The following TRIO variants were observed in gnomAD, a reference collection of about 807,000 sequenced individuals.
The protein encoded by TRIO is triple functional domain protein.
Under a neutral mutation model 351.9 loss-of-function variants are expected in TRIO, and 58 were observed. The ratio of observed to expected loss-of-function variants is 0.16; its 90% CI spans 0.13 to 0.21. TRIO has a LOEUF of 0.21. TRIO is among the 10% of genes least tolerant of loss of function. The pLI, the probability that TRIO is intolerant of heterozygous loss-of-function variation, is 1.00. For missense variants in TRIO, 3,201 were observed against 4,027.8 expected (o/e 0.79, Z 5.56); for synonymous variants, 1,758 against 1,595.7 (o/e 1.10, Z -2.42).
At chr5:14,207,296 GGT>G (rs1377037417) in intron 1 of TRIO, among the ~76,000 whole-genome samples, 2 of 12,256 alleles carry the variant, frequency 1.6e-4, no homozygotes, top group Non-Finnish European at 3.8e-4. Context: ...CACACAGCCA[GGT>G]AGCATAGCAA....
chr5:14,198,850 T>C (rs1790926799), intron 1 of TRIO, among the ~76,000 whole-genome samples: 1 of 152,172 alleles, frequency 6.6e-6, no homozygotes, highest in South Asian at 2.1e-4. Flanking sequence ...TAAAAATTAT[T>C]CTGTCAATCT....
intron 33 of TRIO, among the ~76,000 whole-genome samples, chr5:14,415,866 C>T (rs572889341): frequency 6.6e-6 from 1 of 151,914 alleles, no homozygotes. Context: ...GCTTGTTAGT[C>T]ACCACATTCA....
intron 1 of TRIO, among the ~76,000 whole-genome samples, chr5:14,170,389 A>T (rs897107003): frequency 1.3e-5 from 2 of 151,416 alleles, no homozygotes; most frequent in African/African-American, 4.9e-5. Context: ...AGTTGCTTGA[A>T]CCCTCCACCC....
chr5:14,165,218 G>A (rs185759636), intron 1 of TRIO, among the ~76,000 whole-genome samples: 2 of 152,234 alleles, frequency 1.3e-5, no homozygotes, highest in East Asian at 1.9e-4. Context: ...TATGGATCCC[G>A]TCACCCAGGT....
In TRIO at chr5:14,346,840, C is replaced by T. The variant is rs142900352; in HGVS notation, c.2046+10113C>T. 6.6e-5 allele frequency among the ~76,000 whole-genome samples: 10 copies of T among 152,316 alleles called. No individual in the cohort carries two copies. In the East Asian group the frequency reaches 9.6e-4, roughly 15 times the overall value. ...AAAGAATCAACCAAGGGTGCTAGCA[C>T]GAGACCAAAACTCTCCTCATCCTCC... On this transcript the variant is annotated intron_variant, in intron 11 of 56. Coordinates refer to ENST00000344204, the MANE Select transcript of TRIO (RefSeq NM_007118.4).
At chr5:14,179,331 T>C (rs573462031) in intron 1 of TRIO, among the ~76,000 whole-genome samples, 101 of 152,360 alleles carry the variant, frequency 6.6e-4, no homozygotes, top group Non-Finnish European at 1.1e-3. Flanking sequence ...TTGTTCTTAA[T>C]TACTCTGTAA....
intron 18 of TRIO, among the ~76,000 whole-genome samples, chr5:14,372,683 C>CT (rs989627383): frequency 5.3e-5 from 8 of 151,898 alleles, no homozygotes; most frequent in East Asian, 1.9e-4. Flanking sequence ...CTACATATGA[C>CT]TTTTTTTTAG....
At chr5:14,324,219 T>G (rs1719664461) in intron 9 of TRIO, among the ~76,000 whole-genome samples, 1 of 152,192 alleles carries the variant, frequency 6.6e-6, no homozygotes, top group South Asian at 2.1e-4. Flanking sequence ...AAAATCTGAC[T>G]TTGTATAAAA....
At chr5:14,360,388 TAA>T (rs1263459190) in intron 13 of TRIO, among the ~76,000 whole-genome samples, 1 of 152,190 alleles carries the variant, frequency 6.6e-6, no homozygotes. Flanking sequence ...GTAAGGAGCC[TAA>T]GCTCCCCTCA....
intron 11 of TRIO, among the ~76,000 whole-genome samples, chr5:14,346,296 G>T (rs556322723): frequency 6.6e-6 from 1 of 152,318 alleles, no homozygotes; most frequent in Non-Finnish European, 1.5e-5. Flanking sequence ...TTGGTTCTTG[G>T]TCTCCTCGAG....
chr5:14,453,803 A>G (rs970829301), intron 34 of TRIO, among the ~76,000 whole-genome samples: 2 of 152,354 alleles, frequency 1.3e-5, no homozygotes, highest in South Asian at 2.1e-4. Context: ...AACTGAAGGC[A>G]TTCTTGCTGA....
chr5:14,306,421 T>C (rs748162018), intron 8 of TRIO, among the ~76,000 whole-genome samples: 1 of 152,250 alleles, frequency 6.6e-6, no homozygotes, highest in Non-Finnish European at 1.5e-5. Context: ...GAGGATTATG[T>C]CACTTCTAAA....
intron 42 of TRIO, among the ~76,000 whole-genome samples, chr5:14,479,594 G>A (rs1183725011): frequency 1.3e-5 from 2 of 152,096 alleles, no homozygotes; most frequent in East Asian, 3.9e-4. Flanking sequence ...TTTTTAATAA[G>A]TGTTACACTT....
intron 34 of TRIO, among the ~76,000 whole-genome samples, chr5:14,441,939 A>G (rs983231083): frequency 6.6e-6 from 1 of 152,214 alleles, no homozygotes; most frequent in Non-Finnish European, 1.5e-5. Context: ...AAAGACGTGA[A>G]GATGTGATTC....
intron 34 of TRIO, among the ~76,000 whole-genome samples, chr5:14,430,182 C>T (rs1561482220): frequency 7.7e-6 from 1 of 130,660 alleles, no homozygotes; most frequent in Non-Finnish European, 1.6e-5. Context: ...ATGATATTTG[C>T]GTGCTTTTTT....
At chr5:14,467,466 A>G (rs1754349697) in intron 37 of TRIO, among the ~76,000 whole-genome samples, 1 of 152,232 alleles carries the variant, frequency 6.6e-6, no homozygotes, top group African/African-American at 2.4e-5. Context: ...AACTTTGAAC[A>G]GGAAGCTTGC....
Position 14,488,063 on chromosome 5 carries a change from C to T in TRIO, c.7435C>T (p.Leu2479=), listed in dbSNP as rs762625645. Reference sequence around the variant, plus strand: ...GGAGCCCTTCCCCCCCAGCAGCCCCCTGCAGAAGGGGGGCTCCTTCTGGAG... The same window carrying T: ...GGAGCCCTTCCCCCCCAGCAGCCCCTTGCAGAAGGGGGGCTCCTTCTGGAG... ...GKEPFPPSSP[L]QKGGSFWSSI... is the part of the protein sequence containing the mutation. The change falls in exon 48 of 57, where the codon CTG becomes TTG. Residue 2479 remains leucine, a synonymous_variant. Coordinates refer to ENST00000344204, the MANE Select transcript of TRIO (RefSeq NM_007118.4). 2.5e-6 allele frequency: 4 copies of T among 1,609,986 alleles called. No individual in the cohort carries two copies. The highest frequency in any genetic ancestry group is 3.4e-6 in the Non-Finnish European group (4 of 1,179,114).
chr5:14,301,819 G>C (rs770675139), intron 7 of TRIO, among the ~76,000 whole-genome samples: 1 of 152,134 alleles, frequency 6.6e-6, no homozygotes, highest in African/African-American at 2.4e-5. Context: ...CCCTCTGGGC[G>C]TTCAGCCTTT....
chr5:14,485,137 G>A lies in TRIO; in HGVS notation c.6726G>A (p.Thr2242=), dbSNP rs150514528. ...DPCKFALTSR[T]GDVVETFILH... ...GTAAATTTGCTCTGACATCGAGGAC[G>A]GGTGACGTGGTAGAGACCTTCATTT... is the stretch of plus-strand genomic sequence containing the variant. The change falls in exon 47 of 57, where the codon ACG becomes ACA. Residue 2242 remains threonine (T), a synonymous_variant. Coordinates refer to ENST00000344204, the MANE Select transcript of TRIO (RefSeq NM_007118.4). 31 of 1,590,844 alleles carry A rather than the reference G, an allele frequency of 1.9e-5. No homozygotes were observed. The highest frequency in any genetic ancestry group is 8.4e-5 in the Admixed American group (5 of 59,522).
Sources: allele counts gnomAD v4.1 joint callset (sites outside exome capture counted in the v4.1 genomes callset), GRCh38; gene constraint gnomAD v4.1.1; transcripts MANE v1.5; gene names NCBI Gene and HGNC (gene_info 2026-07-23, HGNC 2026-07-21).